Variants in PXDN observed in about 807,000 individuals in gnomAD.
PXDN encodes the protein peroxidasin homolog.
PXDN carries 77 observed loss-of-function variants against 140.3 expected under a neutral mutation model. The observed-to-expected ratio is 0.55, with a 90% CI of 0.46 to 0.66. The LOEUF (loss-of-function observed/expected upper bound fraction) is 0.66. Among genes scored for constraint, PXDN ranks in the 30% least tolerant of loss-of-function variants. PXDN has a pLI of 0.00. For synonymous variants in PXDN, 911 were observed against 857.4 expected (o/e 1.06, Z -1.09); for missense variants, 1,838 against 2,039.5 (o/e 0.90, Z 1.90).
rs1194547807 is a variant in PXDN, at chr2:1,665,079, C to T, written c.1292-5G>A. 8.9e-6 allele frequency: 14 copies of T among 1,580,822 alleles called. No homozygotes were observed. The highest frequency in any genetic ancestry group is 1.7e-4 in the Middle Eastern group (1 of 6,012). ...TCACAGTGAACTGAGGAAGAGCTTC[C>T]GGAGAGAAAGCATTCAAAACAGGAC... On this transcript the variant is annotated splice_polypyrimidine_tract_variant and splice_region_variant and intron_variant, in intron 10 of 22. Transcript: ENST00000252804.
chr2:1,738,155 T>C (rs1314347897), intron 1 of PXDN, among the ~76,000 whole-genome samples: 2 of 151,834 alleles, frequency 1.3e-5, no homozygotes, highest in Non-Finnish European at 2.9e-5. Flanking sequence ...TTGAATTCCC[T>C]CAAAAAAGGT....
chr2:1,676,928 T>G lies in PXDN; in HGVS notation c.847A>C (p.Asn283His). The G allele has an allele frequency of 6.2e-7, 1 of 1,610,498 alleles. No homozygotes were observed. The highest frequency in any genetic ancestry group is 8.5e-7 in the Non-Finnish European group (1 of 1,178,532). ...CATTTCTGTTTGGCCCCAACTCACT[T>G]GTTTCGCAGCCAGATGATCTCAGGC... ...PKPEIIWLRN[N>H]NELSMKTDSR... The change falls in exon 8 of 23, where the codon AAT becomes CAT. Residue 283 changes from asparagine (N) to histidine (H), a missense_variant and splice_region_variant. Asn to His is a moderately conservative substitution (Grantham distance 68, BLOSUM62 1). Coordinates refer to ENST00000252804, the MANE Select transcript of PXDN (RefSeq NM_012293.3).
chr2:1,681,513 T>C (rs1364802874), intron 6 of PXDN, among the ~76,000 whole-genome samples: 2 of 148,540 alleles, frequency 1.3e-5, no homozygotes, highest in Non-Finnish European at 3.0e-5. Context: ...CGAGAGGTGC[T>C]CACCAGGGCG....
In PXDN at chr2:1,639,497, C is replaced by G; in HGVS notation, c.3953-75G>C. 6.3e-7 allele frequency: 1 copy of G among 1,598,410 alleles called. No individual in the cohort carries two copies. Among genetic ancestry groups the G allele is most frequent in the Admixed American group, 1.7e-5 (1 of 59,304 alleles). ...GGGGAAATTAAGCACATCCTGCCAA[C>G]TATGAAGTCTTCACTGGCTGCCCGT... On this transcript the variant is annotated intron_variant, in intron 19 of 22. Transcript: ENST00000252804. This position sits in a 1 kb window ranked among gnomAD's most constrained non-coding sequence, Gnocchi z 5.0.
intron 1 of PXDN, among the ~76,000 whole-genome samples, chr2:1,706,506 AT>A (rs1684612726): frequency 1.3e-5 from 2 of 151,754 alleles, no homozygotes; most frequent in Non-Finnish European, 1.5e-5. Context: ...TAATAATACA[AT>A]CTGAGAGCAC....
chr2:1,729,568 G>A (rs1208208050), intron 1 of PXDN, among the ~76,000 whole-genome samples: 1 of 151,032 alleles, frequency 6.6e-6, no homozygotes, highest in Non-Finnish European at 1.5e-5. Context: ...GCAGGGTGGG[G>A]GAGGGGGGTG....
At chr2:1,689,465 G>C (rs58711249) in intron 3 of PXDN, among the ~76,000 whole-genome samples, 5,559 of 152,222 alleles carry the variant, frequency 0.037, 337 homozygotes, top group African/African-American at 0.13. Context: ...AAAGACATTG[G>C]AACGTAATTT....
chr2:1,683,690 C>G lies in PXDN; in HGVS notation c.526G>C (p.Gly176Arg). ...ATAGATTCCAAGTGATTAAATGTCC[C>G]TGGAACTAAATGTGTAATCCGGTTG... ...HNNRITHLVP[G>R]TFNHLESMKR... Residue 176 changes from glycine (G) to arginine (R), a missense_variant, in exon 6 of 23, where the codon GGG (glycine) becomes CGG (arginine). Physicochemically the swap from Gly to Arg is moderately radical, Grantham distance 125 (BLOSUM62 -2). Around this residue, in one of 5 missense-constraint regions of PXDN, gnomAD observed 208 missense variants for 325.8 expected, o/e 0.64. Transcript: ENST00000252804. 6.2e-7 allele frequency: 1 copy of G among 1,608,088 alleles called. No homozygotes were observed. The highest frequency in any genetic ancestry group is 8.5e-7 in the Non-Finnish European group (1 of 1,178,072).
intron 11 of PXDN, chr2:1,664,669 C>T (rs1683388861): frequency 7.9e-6 from 3 of 382,008 alleles, no homozygotes; most frequent in Admixed American, 4.0e-5. Context: ...CTATCTGAAA[C>T]AAGGCAGGTG....
chr2:1,700,976 T>C (rs1231585193), intron 1 of PXDN, among the ~76,000 whole-genome samples: 1 of 152,178 alleles, frequency 6.6e-6, no homozygotes, highest in South Asian at 2.1e-4. Context: ...GTTGGAATTA[T>C]AACCGATGCC....
At chr2:1,690,561 C>A (rs967920598) in intron 3 of PXDN, among the ~76,000 whole-genome samples, 2 of 147,062 alleles carry the variant, frequency 1.4e-5, no homozygotes, top group Non-Finnish European at 3.0e-5. Context: ...CATATACACA[C>A]ACAAGGAATG....
intron 4 of PXDN, among the ~76,000 whole-genome samples, chr2:1,684,743 T>C (rs926620787): frequency 7.9e-5 from 12 of 152,230 alleles, no homozygotes; most frequent in Non-Finnish European, 1.8e-4. Context: ...GAATACCCAG[T>C]GTTTCTATTT....
At chr2:1,710,974 A>G (rs1273311278) in intron 1 of PXDN, among the ~76,000 whole-genome samples, 16 of 58,692 alleles carry the variant, frequency 2.7e-4, no homozygotes, top group African/African-American at 8.6e-4. Flanking sequence ...ACTCTCCACC[A>G]GCACCCGCTC....
intron 12 of PXDN, among the ~76,000 whole-genome samples, chr2:1,662,744 A>G (rs1683335540): frequency 1.3e-5 from 2 of 152,144 alleles, no homozygotes; most frequent in African/African-American, 4.8e-5. Context: ...AAACCCAAGA[A>G]ACACAGAGCC....
intron 1 of PXDN, among the ~76,000 whole-genome samples, chr2:1,727,699 C>G (rs1389035359): frequency 6.6e-6 from 1 of 152,200 alleles, no homozygotes; most frequent in African/African-American, 2.4e-5. Flanking sequence ...CCCACCAGAC[C>G]CCCTGTGAGT....
intron 8 of PXDN, among the ~76,000 whole-genome samples, chr2:1,674,900 A>G (rs1443621996): frequency 6.6e-6 from 1 of 152,144 alleles, no homozygotes; most frequent in African/African-American, 2.4e-5. Flanking sequence ...GCCTGGACCA[A>G]GCTGGGTCGC....
chr2:1,696,234 G>T (rs1684298523), intron 1 of PXDN, among the ~76,000 whole-genome samples: 1 of 152,188 alleles, frequency 6.6e-6, no homozygotes, highest in Non-Finnish European at 1.5e-5. Context: ...TTCACAAAGT[G>T]ACCAGAAAAT....
intron 17 of PXDN, among the ~76,000 whole-genome samples, chr2:1,647,579 C>T (rs1325162228): frequency 6.6e-6 from 1 of 152,190 alleles, no homozygotes; most frequent in Non-Finnish European, 1.5e-5. Flanking sequence ...ACCGCACCCA[C>T]AGGTGATCAA....
At chr2:1,666,867 T>C (rs556612869) in intron 9 of PXDN, among the ~76,000 whole-genome samples, 1 of 152,272 alleles carries the variant, frequency 6.6e-6, no homozygotes, top group African/African-American at 2.4e-5. Context: ...GGGAAGTATA[T>C]TTAGAGTATA....
Sources: gnomAD v4.1 joint callset for allele counts (sites outside exome capture counted in the v4.1 genomes callset) on GRCh38, gnomAD v4.1.1 for gene constraint, gnomAD v4.1.1 regional missense constraint, Gnocchi (gnomAD v3.1) non-coding constraint, MANE v1.5 for transcripts, NCBI Gene and HGNC (gene_info 2026-07-23, HGNC 2026-07-21) for gene names.